Variants in KIF16B observed in about 807,000 individuals in gnomAD.
The protein encoded by KIF16B is kinesin-like protein KIF16B.
KIF16B carries 98 observed loss-of-function variants against 156.3 expected under a neutral mutation model. The observed-to-expected ratio is 0.63, with a 90% confidence interval of 0.53 to 0.74. KIF16B has a LOEUF of 0.74. KIF16B is among the 30% of genes least tolerant of loss of function. KIF16B has a pLI of 0.00. For missense variants in KIF16B, 1,421 were observed against 1,606.5 expected (o/e 0.88, Z 1.97); for synonymous variants, 564 against 583.7 (o/e 0.97, Z 0.49).
intron 1 of KIF16B, among the ~76,000 whole-genome samples, chr20:16,555,485 A>G (rs918571101): frequency 1.2e-4 from 18 of 151,488 alleles, no homozygotes; most frequent in African/African-American, 4.4e-4. Flanking sequence ...TCCCCAAAGA[A>G]ACCTTACTGA....
intron 1 of KIF16B, among the ~76,000 whole-genome samples, chr20:16,553,802 T>C (rs746018516): frequency 3.3e-5 from 5 of 151,338 alleles, no homozygotes; most frequent in Admixed American, 2.6e-4. Flanking sequence ...CTGGGCTGCA[T>C]GCTCCACAGA....
chr20:16,381,160 T>G lies in KIF16B; in HGVS notation c.1838+534A>C, dbSNP rs2065083744. Among the ~76,000 whole-genome samples the G allele has an allele frequency of 2.0e-5, 3 of 152,162 alleles. No homozygotes were observed. The South Asian group carries it at 6.2e-4, about 32-fold the overall frequency. On this transcript the variant is annotated intron_variant, in intron 18 of 25. Coordinates refer to ENST00000354981, the MANE Select transcript of KIF16B (RefSeq NM_024704.5). The stretch of plus-strand genomic sequence containing the variant: ...AATTATTTCAGAACATATAAAGAAC[T>G]GCCCAAATCAATTAAACAGCCATTT...
chr20:16,538,276 C>T lies in KIF16B; in HGVS notation c.48-9836G>A, dbSNP rs115172909. The stretch of plus-strand genomic sequence containing the variant: ...GTAATTCTTCAGCTGAAAACTACAA[C>T]GCCAGGCACTGAGATTACCCAGCCT... On this transcript the variant is annotated intron_variant, in intron 1 of 25. Coordinates refer to ENST00000354981, the MANE Select transcript of KIF16B (RefSeq NM_024704.5). Among the ~76,000 whole-genome samples, 192 of 152,298 alleles carry T rather than the reference C, an allele frequency of 1.3e-3. 1 individual carries two copies. The highest frequency in any genetic ancestry group is 2.2e-3 in the Admixed American group (34 of 15,302).
intron 4 of KIF16B, among the ~76,000 whole-genome samples, chr20:16,514,448 C>T (rs955271932): frequency 6.6e-6 from 1 of 151,976 alleles, no homozygotes; most frequent in Non-Finnish European, 1.5e-5. Flanking sequence ...TTCCATGAAC[C>T]TCCAAACCTT....
chr20:16,361,949 T>C (rs1038196899), intron 22 of KIF16B, among the ~76,000 whole-genome samples: 6 of 152,194 alleles, frequency 3.9e-5, no homozygotes, highest in African/African-American at 1.4e-4. Flanking sequence ...CCAAAGATCA[T>C]TGTATTAAGT....
At chr20:16,564,428 C>T (rs933423428) in intron 1 of KIF16B, among the ~76,000 whole-genome samples, 4 of 152,004 alleles carry the variant, frequency 2.6e-5, no homozygotes, top group African/African-American at 7.3e-5. Context: ...AACCAAACAC[C>T]GCATGTTCTC....
At chr20:16,346,028 G>A (rs2064227648) in intron 23 of KIF16B, among the ~76,000 whole-genome samples, 1 of 152,232 alleles carries the variant, frequency 6.6e-6, no homozygotes, top group African/African-American at 2.4e-5. Context: ...TTGGTCAGCA[G>A]CCATCCAGGG....
intron 1 of KIF16B, among the ~76,000 whole-genome samples, chr20:16,562,187 A>T (rs981997710): frequency 6.6e-6 from 1 of 152,230 alleles, no homozygotes; most frequent in Non-Finnish European, 1.5e-5. Context: ...CTGAAGAAAG[A>T]AACAAGAGTA....
chr20:16,387,727 C>T (rs921879960), intron 17 of KIF16B, among the ~76,000 whole-genome samples: 3 of 152,140 alleles, frequency 2.0e-5, no homozygotes, highest in Admixed American at 1.3e-4. Context: ...GGACAGGCAG[C>T]GGTCCCAAGT....
At chr20:16,430,343 T>C (rs924326620) in intron 12 of KIF16B, among the ~76,000 whole-genome samples, 1 of 152,108 alleles carries the variant, frequency 6.6e-6, no homozygotes, top group African/African-American at 2.4e-5. Flanking sequence ...GGCTTTTCTC[T>C]CTACTTACCA....
chr20:16,514,909 A>AGG (rs1568628699), intron 4 of KIF16B, among the ~76,000 whole-genome samples: 1 of 143,748 alleles, frequency 7.0e-6, no homozygotes, highest in Admixed American at 7.2e-5. Context: ...AAAAAAAAAA[A>AGG]AAAAAGAAAA....
chr20:16,561,784 G>A (rs1007144), intron 1 of KIF16B, among the ~76,000 whole-genome samples: 21,727 of 152,132 alleles, frequency 0.14, 1,565 homozygotes, highest in South Asian at 0.19. Context: ...TAACTTCAAC[G>A]TATTTGTGAT....
chr20:16,566,593 AG>A lies in KIF16B; in HGVS notation c.47+6635del, dbSNP rs1263681317. Among the ~76,000 whole-genome samples the A allele has an allele frequency of 1.1e-4, 16 of 152,272 alleles. No individual in the cohort carries two copies. In the East Asian group the frequency reaches 3.1e-3, roughly 29 times the overall value. On this transcript the variant is annotated intron_variant, in intron 1 of 25. Coordinates refer to ENST00000354981, the MANE Select transcript of KIF16B (RefSeq NM_024704.5). The stretch of plus-strand genomic sequence containing the variant: ...TGCTACCTCATTAAATTACCATTCC[AG>A]CCCCACGAGGTGGGTCCTATGGAGA...
chr20:16,332,332 G>C (rs1186578094), intron 24 of KIF16B, among the ~76,000 whole-genome samples: 3 of 152,162 alleles, frequency 2.0e-5, no homozygotes, highest in Non-Finnish European at 4.4e-5. Context: ...GCACAGCACA[G>C]CACCTGGCCC....
chr20:16,282,816 G>T (rs968535029), intron 25 of KIF16B, among the ~76,000 whole-genome samples: 2 of 152,180 alleles, frequency 1.3e-5, no homozygotes, highest in African/African-American at 4.8e-5. Flanking sequence ...GCTGGTGGTG[G>T]TATCTCTTCT....
chr20:16,557,192 G>GT (rs2070884155), intron 1 of KIF16B, among the ~76,000 whole-genome samples: 1 of 150,300 alleles, frequency 6.7e-6, no homozygotes, highest in Admixed American at 6.6e-5. Flanking sequence ...CTATATATAT[G>GT]TTTTTTGAGA....
chr20:16,347,490 C>A (rs1050188722), intron 23 of KIF16B, among the ~76,000 whole-genome samples: 32 of 152,010 alleles, frequency 2.1e-4, no homozygotes, highest in African/African-American at 7.5e-4. Context: ...GAAGCATTTA[C>A]TTTGTGAAGA....
intron 14 of KIF16B, 149 bp downstream of exon 14, chr20:16,428,804 C>CAT: frequency 1.6e-6 from 1 of 621,880 alleles, no homozygotes; most frequent in Non-Finnish European, 2.9e-6. Context: ...TATATACACA[C>CAT]ATATATATAC....
chr20:16,341,416 G>A (rs1422734078), intron 23 of KIF16B, among the ~76,000 whole-genome samples: 1 of 152,124 alleles, frequency 6.6e-6, no homozygotes, highest in Non-Finnish European at 1.5e-5. Flanking sequence ...CTCTTCTGGT[G>A]ACTCCAGGAA....
Sources: allele counts gnomAD v4.1 joint callset (sites outside exome capture counted in the v4.1 genomes callset), GRCh38; gene constraint gnomAD v4.1.1; transcripts MANE v1.5; gene names NCBI Gene and HGNC (gene_info 2026-07-23, HGNC 2026-07-21).